The following SEMA6D variants were observed in gnomAD, a reference collection of about 807,000 sequenced individuals.
SEMA6D encodes semaphorin 6D.
A neutral mutation model predicts 106.6 loss-of-function variants in SEMA6D; 35 were observed. The observed-to-expected ratio is 0.33, with a 90% CI of 0.25 to 0.44. SEMA6D has a LOEUF of 0.44. Among genes scored for constraint, SEMA6D ranks in the 20% least tolerant of loss-of-function variants. The probability of loss-of-function intolerance (pLI) is 1.00; values close to 1 mark genes in which losing one functional copy is unlikely to be tolerated. For missense variants in SEMA6D, 1,185 were observed against 1,345.9 expected (o/e 0.88, Z 1.87); for synonymous variants, 499 against 487.7 (o/e 1.02, Z -0.31).
chr15:47,349,373 C>T (rs561727534), intron 1 of SEMA6D, among the ~76,000 whole-genome samples: 1 of 152,266 alleles, frequency 6.6e-6, no homozygotes, highest in Non-Finnish European at 1.5e-5. Flanking sequence ...ATTTGTTCGT[C>T]CTTCATGACT....
chr15:47,415,023 T>C (rs892920243), intron 2 of SEMA6D, among the ~76,000 whole-genome samples: 1 of 152,164 alleles, frequency 6.6e-6, no homozygotes, highest in African/African-American at 2.4e-5. Flanking sequence ...AAAAATACTT[T>C]TTGGGACTTC....
At position 47,683,622 on chromosome 15, in the gene SEMA6D, GA is replaced by G. The variant is rs199818712; in HGVS notation, c.-54-76115del. Among the ~76,000 whole-genome samples the G allele has an allele frequency of 3.4e-4, 51 of 151,466 alleles. No individual in the cohort carries two copies. The East Asian group carries it at 9.5e-3, about 28-fold the overall frequency. ...TATATATCTTGTCTGCATTTTTTTA[GA>G]AAAAAAATCAACCTTGCACATTTTA... On this transcript the variant is annotated intron_variant, in intron 4 of 19. Coordinates refer to the SEMA6D transcript ENST00000558014.
rs1031496643 is a variant in SEMA6D at position 47,360,316 on chromosome 15, A to G, written c.-238-52077A>G. Among the ~76,000 whole-genome samples the G allele has an allele frequency of 6.6e-5, 10 of 152,338 alleles. 1 individual carries two copies. In the South Asian group the frequency reaches 1.0e-3, roughly 16 times the overall value. Reference sequence around the variant, plus strand: ...AGTGAATGTTGAGCCTGCATAGCAGATAAGCATAAGTCTATGGGAGCAACA... The same window carrying G: ...AGTGAATGTTGAGCCTGCATAGCAGGTAAGCATAAGTCTATGGGAGCAACA... On this transcript the variant is annotated intron_variant, in intron 1 of 19. Transcript: ENST00000558014.
chr15:47,741,570 G>C (rs2147050113), intron 1 of SEMA6D, among the ~76,000 whole-genome samples: 1 of 152,272 alleles, frequency 6.6e-6, no homozygotes, highest in Middle Eastern at 3.4e-3. Context: ...TACAAAATCA[G>C]CCGGGCGTGG....
intron 3 of SEMA6D, among the ~76,000 whole-genome samples, chr15:47,521,740 C>T (rs1387594396): frequency 6.6e-6 from 1 of 152,166 alleles, no homozygotes; most frequent in Non-Finnish European, 1.5e-5. Context: ...AATCCCAGCA[C>T]TTTGGGAGGC....
Position 47,423,774 on chromosome 15 carries a change from A to C in SEMA6D, c.-159+11302A>C, listed in dbSNP as rs550641566. 1.4e-4 allele frequency among the ~76,000 whole-genome samples: 21 copies of C among 152,136 alleles called. No homozygotes were observed. In the South Asian group the frequency reaches 4.1e-3, roughly 30 times the overall value. On this transcript the variant is annotated intron_variant, in intron 2 of 19. Coordinates refer to the SEMA6D transcript ENST00000558014. ...AAGCAAGCTCTAATTTTATTCTTTTACAGTCTTGTTTTGCAGGGACAGGTA... is the reference window on the plus strand; with the variant it reads ...AAGCAAGCTCTAATTTTATTCTTTTCCAGTCTTGTTTTGCAGGGACAGGTA...
intron 1 of SEMA6D, among the ~76,000 whole-genome samples, chr15:47,253,238 G>A (rs994491494): frequency 1.3e-5 from 2 of 151,980 alleles, no homozygotes; most frequent in Admixed American, 6.5e-5. Context: ...TTTTGAGGTC[G>A]TTATACATGC....
intron 3 of SEMA6D, among the ~76,000 whole-genome samples, chr15:47,520,232 T>G (rs1015479377): frequency 6.6e-6 from 1 of 152,204 alleles, no homozygotes; most frequent in Non-Finnish European, 1.5e-5. Context: ...TAAGACTTAC[T>G]CTAAAGAATT....
At chr15:47,203,884 G>A (rs978733893) in intron 1 of SEMA6D, among the ~76,000 whole-genome samples, 2 of 152,146 alleles carry the variant, frequency 1.3e-5, no homozygotes, top group Non-Finnish European at 2.9e-5. Flanking sequence ...TTATAAATCA[G>A]TGCTGTGTAC....
chr15:47,651,416 C>G (rs190235543), intron 4 of SEMA6D, among the ~76,000 whole-genome samples: 6 of 152,058 alleles, frequency 3.9e-5, no homozygotes, highest in Admixed American at 3.3e-4. Context: ...AAAAAAAAAA[C>G]TAGTAAACTT....
At chr15:47,512,221 A>G (rs1485166153) in intron 3 of SEMA6D, among the ~76,000 whole-genome samples, 3 of 152,188 alleles carry the variant, frequency 2.0e-5, no homozygotes, top group Admixed American at 1.3e-4. Flanking sequence ...AGAGGGTGCT[A>G]TTTATGTTGT....
At chr15:47,766,066 T>G (rs1309813381) in intron 14 of SEMA6D, 39 bp from the exon 15 acceptor site, 4 of 1,613,108 alleles carry the variant, frequency 2.5e-6, no homozygotes, top group Non-Finnish European at 3.4e-6. Flanking sequence ...CCTTTGTTGA[T>G]GAGAAAATCC....
intron 1 of SEMA6D, among the ~76,000 whole-genome samples, chr15:47,306,404 G>A (rs959562153): frequency 2.6e-5 from 4 of 151,974 alleles, no homozygotes; most frequent in African/African-American, 7.2e-5. Context: ...AAAATAAATA[G>A]AAAATACAGT....
At chr15:47,713,350 T>G (rs571838813), upstream of SEMA6D, among the ~76,000 whole-genome samples, 1 of 152,228 alleles carries the variant, frequency 6.6e-6, no homozygotes, top group African/African-American at 2.4e-5. Flanking sequence ...AAATGAATTA[T>G]GTCAGTAAAA....
chr15:47,500,053 C>T (rs1238914609), intron 3 of SEMA6D, among the ~76,000 whole-genome samples: 1 of 152,164 alleles, frequency 6.6e-6, no homozygotes, highest in Non-Finnish European at 1.5e-5. Context: ...TGCAATACTA[C>T]TAGACTTTCT....
intron 3 of SEMA6D, among the ~76,000 whole-genome samples, chr15:47,509,043 C>G (rs2044141698): frequency 1.3e-5 from 2 of 151,932 alleles, no homozygotes; most frequent in Non-Finnish European, 2.9e-5. Flanking sequence ...CTCTTCAGCT[C>G]CATTTGGTAT....
intron 1 of SEMA6D, among the ~76,000 whole-genome samples, chr15:47,342,474 T>C (rs2037857271): frequency 6.6e-6 from 1 of 152,252 alleles, no homozygotes; most frequent in African/African-American, 2.4e-5. Context: ...TCTGCAAATC[T>C]GTCTTACCTC....
intron 3 of SEMA6D, among the ~76,000 whole-genome samples, chr15:47,514,080 G>A (rs1019260685): frequency 6.6e-6 from 1 of 152,174 alleles, no homozygotes; most frequent in East Asian, 1.9e-4. Context: ...CGGACAGTGT[G>A]GTCTCATTAC....
At chr15:47,627,217 C>T (rs147416668) in intron 4 of SEMA6D, among the ~76,000 whole-genome samples, 14 of 152,188 alleles carry the variant, frequency 9.2e-5, no homozygotes, top group African/African-American at 3.4e-4. Context: ...AAACAAAAGC[C>T]AGTTCATCTT....
Sources: gnomAD v4.1 joint callset for allele counts (sites outside exome capture counted in the v4.1 genomes callset) on GRCh38, gnomAD v4.1.1 for gene constraint, MANE v1.5 for transcripts, NCBI Gene and HGNC (gene_info 2026-07-23, HGNC 2026-07-21) for gene names.